MARCHF1: variants seen among roughly 807,000 people sequenced by gnomAD.
MARCHF1 encodes the protein E3 ubiquitin-protein ligase MARCHF1.
MARCHF1 carries 40 observed loss-of-function variants against 54.2 expected under a neutral mutation model. The ratio of observed to expected loss-of-function variants is 0.74; its 90% confidence interval spans 0.57 to 0.96. The LOEUF is 0.96. Among genes scored for constraint, MARCHF1 ranks in the 40% least tolerant of loss-of-function variants. The pLI is 0.00. For missense variants in MARCHF1, 586 were observed against 656.5 expected, an observed-to-expected ratio of 0.89 and a Z score of 1.17; for synonymous variants, 236 against 236.3, an observed-to-expected ratio of 1.00 and a Z score of 0.01.
chr4:163,710,128 T>G (rs1450910332), intron 4 of MARCHF1, among the ~76,000 whole-genome samples: 1 of 152,114 alleles, frequency 6.6e-6, no homozygotes, highest in Non-Finnish European at 1.5e-5. Context: ...CTATGAAAAG[T>G]CTAGCAATTG....
intron 4 of MARCHF1, among the ~76,000 whole-genome samples, chr4:163,716,844 T>C (rs2111272391): frequency 6.6e-6 from 1 of 152,336 alleles, no homozygotes; most frequent in East Asian, 1.9e-4. Flanking sequence ...TTGTTGTTAT[T>C]CCCAATAGGC....
At chr4:164,126,387 T>C (rs373592971) in intron 1 of MARCHF1, among the ~76,000 whole-genome samples, 13 of 152,296 alleles carry the variant, frequency 8.5e-5, no homozygotes, top group African/African-American at 2.9e-4. Flanking sequence ...ATATTGGATG[T>C]CCCAGTCTCC....
At chr4:164,138,489 C>T (rs751634071) in intron 1 of MARCHF1, among the ~76,000 whole-genome samples, 24 of 152,076 alleles carry the variant, frequency 1.6e-4, no homozygotes, top group Non-Finnish European at 3.2e-4. Flanking sequence ...AGGGCCTGGA[C>T]TTTGAGATAT....
chr4:164,256,412 A>C, intron 1 of MARCHF1, among the ~76,000 whole-genome samples: 1 of 147,170 alleles, frequency 6.8e-6, no homozygotes, highest in East Asian at 2.0e-4. Flanking sequence ...AATGTGAACT[A>C]ACTTGTAGCA....
chr4:163,816,176 G>C (rs1748526218), intron 4 of MARCHF1, among the ~76,000 whole-genome samples: 1 of 152,220 alleles, frequency 6.6e-6, no homozygotes, highest in Non-Finnish European at 1.5e-5. Flanking sequence ...AGTGGGACCA[G>C]ATGTTTGTAA....
chr4:163,611,732 A>G (rs1034615138), intron 7 of MARCHF1, among the ~76,000 whole-genome samples: 2 of 152,086 alleles, frequency 1.3e-5, no homozygotes, highest in African/African-American at 4.8e-5. Context: ...CCTTCCCTAC[A>G]GGCTCTTGCA....
intron 3 of MARCHF1, among the ~76,000 whole-genome samples, chr4:163,894,713 T>TATATATGCATGTGATGCAC (rs1750750381): frequency 6.8e-5 from 3 of 44,274 alleles, no homozygotes; most frequent in African/African-American, 2.7e-4. Flanking sequence ...ATGTGATGCA[T>TATATATGCATGTGATGCAC]ATATATATGC....
chr4:164,197,322 G>C, intron 1 of MARCHF1: 1 of 1,612,168 alleles, frequency 6.2e-7, no homozygotes, highest in Non-Finnish European at 8.5e-7. Context: ...GCTTGAACAC[G>C]TTTTCTCCGT....
At chr4:164,018,223 A>G (rs1332797197) in intron 2 of MARCHF1, among the ~76,000 whole-genome samples, 2 of 152,106 alleles carry the variant, frequency 1.3e-5, no homozygotes, top group East Asian at 3.9e-4. Flanking sequence ...ACATAGGATA[A>G]ATTTTTTTGG....
chr4:163,547,792 A>G (rs1051648161), intron 8 of MARCHF1, among the ~76,000 whole-genome samples: 1 of 152,250 alleles, frequency 6.6e-6, no homozygotes, highest in Non-Finnish European at 1.5e-5. Context: ...ATTTTAGAGA[A>G]AGAAATATTT....
intron 3 of MARCHF1, among the ~76,000 whole-genome samples, chr4:163,866,725 C>T (rs1231383170): frequency 1.3e-5 from 2 of 151,496 alleles, no homozygotes; most frequent in Non-Finnish European, 3.0e-5. Context: ...GGGGTTCCCA[C>T]AGCACTGAGT....
chr4:163,938,312 C>G (rs75890593), intron 3 of MARCHF1, among the ~76,000 whole-genome samples: 3 of 152,148 alleles, frequency 2.0e-5, no homozygotes, highest in Non-Finnish European at 4.4e-5. Context: ...AATCTCGATC[C>G]AATGATGGCA....
intron 4 of MARCHF1, among the ~76,000 whole-genome samples, chr4:163,761,172 T>G (rs1369501547): frequency 6.6e-6 from 1 of 152,230 alleles, no homozygotes; most frequent in Non-Finnish European, 1.5e-5. Flanking sequence ...ATTGTAATCA[T>G]TTAAGAACTG....
chr4:164,235,431 G>A (rs1365720961), intron 1 of MARCHF1, among the ~76,000 whole-genome samples: 1 of 152,058 alleles, frequency 6.6e-6, no homozygotes, highest in Non-Finnish European at 1.5e-5. Context: ...TCCCCTTTCT[G>A]TAAGTGCTGA....
rs192086722 is a variant in MARCHF1 at position 164,325,621 on chromosome 4, C to T, written c.-323+58249G>A. Reference sequence around the variant, plus strand: ...AAATACAAATAAGACCTTAGTGATTCGAGAGGCTGAGGCAGGAGAATCGCT... The same window carrying T: ...AAATACAAATAAGACCTTAGTGATTTGAGAGGCTGAGGCAGGAGAATCGCT... On this transcript the variant is annotated intron_variant, in intron 1 of 9. Transcript: ENST00000514618. 2.2e-4 allele frequency among the ~76,000 whole-genome samples: 33 copies of T among 151,858 alleles called. No homozygotes were observed. In the East Asian group the frequency reaches 6.2e-3, roughly 29 times the overall value.
intron 1 of MARCHF1, among the ~76,000 whole-genome samples, chr4:164,345,736 C>T (rs866208789): frequency 2.6e-5 from 4 of 151,694 alleles, no homozygotes; most frequent in Non-Finnish European, 5.9e-5. Flanking sequence ...GTTATTGGAC[C>T]TTGGCTTCCC....
intron 2 of MARCHF1, among the ~76,000 whole-genome samples, chr4:164,047,839 G>A (rs777301522): frequency 1.9e-4 from 29 of 151,992 alleles, no homozygotes; most frequent in Non-Finnish European, 3.8e-4. Context: ...TTTTTTGTGG[G>A]CAAATAATTA....
intron 1 of MARCHF1, among the ~76,000 whole-genome samples, chr4:164,350,377 AG>A (rs1387629482): frequency 6.6e-6 from 1 of 152,106 alleles, no homozygotes; most frequent in African/African-American, 2.4e-5. Context: ...GGATAGGGAG[AG>A]GTTTGTTAAT....
At chr4:164,006,990 G>GAAAAAAAAA (rs57195057) in intron 2 of MARCHF1, among the ~76,000 whole-genome samples, 2 of 23,170 alleles carry the variant, frequency 8.6e-5, no homozygotes, top group African/African-American at 4.5e-4. Context: ...TCTGAAATCT[G>GAAAAAAAAA]AAAAAAAAAA....
Sources: allele counts gnomAD v4.1 joint callset (sites outside exome capture counted in the v4.1 genomes callset), GRCh38; gene constraint gnomAD v4.1.1; transcripts MANE v1.5; gene names NCBI Gene and HGNC (gene_info 2026-07-23, HGNC 2026-07-21).